ESR1: variants seen among roughly 807,000 people sequenced by gnomAD.
The protein encoded by ESR1 is estrogen receptor 1, also known as estrogen receptor.
In ESR1, 12 loss-of-function variants were observed where a neutral mutation model predicts 52.7. That is an observed-to-expected ratio of 0.23 (90% CI 0.15 to 0.37). The LOEUF (loss-of-function observed/expected upper bound fraction) is 0.37, where lower values mean the gene tolerates loss of function less well. Ranked by LOEUF, ESR1 falls within the 10% of genes least tolerant of loss-of-function variation. The pLI, the probability that ESR1 is intolerant of heterozygous loss-of-function variation, is 1.00. For missense variants in ESR1, 584 were observed against 779.7 expected, an observed-to-expected ratio of 0.75 and a Z score of 2.99; for synonymous variants, 305 against 316.8, an observed-to-expected ratio of 0.96 and a Z score of 0.39.
chr6:151,808,278 G>T lies in ESR1; in HGVS notation c.366G>T (p.Gln122His), dbSNP rs939987866. ...CGCCGCAGCTGTCGCCTTTCCTGCA[G>T]CCCCACGGCCAGCAGGTGCCCTACT... Reference protein sequence around the residue: ...HPPPQLSPFLQPHGQQVPYYL... With the variant: ...HPPPQLSPFLHPHGQQVPYYL... The change falls in exon 1 of 8, where the codon CAG (glutamine) becomes CAT (histidine). Residue 122 changes from glutamine (Q) to histidine (H), a missense_variant. Around this residue, in one of 6 missense-constraint regions of ESR1, gnomAD observed 251 missense variants for 246.1 expected, o/e 1.02. Coordinates refer to ENST00000206249, the MANE Select transcript of ESR1 (RefSeq NM_000125.4). 1.3e-6 allele frequency: 2 copies of T among 1,586,078 alleles called. No homozygotes were observed. Among genetic ancestry groups the T allele is most frequent in the Non-Finnish European group, 1.7e-6 (2 of 1,167,696 alleles).
chr6:152,093,305 CT>C (rs1162211351), intron 6 of ESR1, among the ~76,000 whole-genome samples: 1 of 150,606 alleles, frequency 6.6e-6, no homozygotes, highest in African/African-American at 2.4e-5. Flanking sequence ...AAACTAAGAC[CT>C]TGTGACTACT....
At chr6:151,994,021 T>C (rs146671767) in intron 4 of ESR1, among the ~76,000 whole-genome samples, 6 of 152,328 alleles carry the variant, frequency 3.9e-5, no homozygotes, top group Non-Finnish European at 7.3e-5. Flanking sequence ...TTATATGTAC[T>C]AACTTGCTTA....
At chr6:151,898,070 T>G (rs138834737) in intron 3 of ESR1, among the ~76,000 whole-genome samples, 1 of 152,330 alleles carries the variant, frequency 6.6e-6, no homozygotes, top group African/African-American at 2.4e-5. Flanking sequence ...ATCTGTTAAC[T>G]TGATGGGTTT....
intron 1 of ESR1, among the ~76,000 whole-genome samples, chr6:151,681,193 C>T (rs1778445865): frequency 6.6e-6 from 1 of 152,180 alleles, no homozygotes; most frequent in Admixed American, 6.5e-5. Context: ...TGGTCAAGCC[C>T]AGTCTTGTTT....
intron 5 of ESR1, among the ~76,000 whole-genome samples, chr6:152,047,986 T>C (rs3020367): frequency 0.42 from 54,331 of 129,982 alleles, 13,144 homozygotes; most frequent in African/African-American, 0.66. Flanking sequence ...TTTTTTTTGG[T>C]TTCCAAGACC....
At chr6:151,769,977 A>C (rs1785377196) in intron 2 of ESR1, among the ~76,000 whole-genome samples, 1 of 151,800 alleles carries the variant, frequency 6.6e-6, no homozygotes, top group African/African-American at 2.4e-5. Flanking sequence ...GCAGTGAGCC[A>C]AGATCGCACC....
At chr6:151,901,170 C>T (rs987501147) in intron 3 of ESR1, among the ~76,000 whole-genome samples, 1 of 152,084 alleles carries the variant, frequency 6.6e-6, no homozygotes, top group Admixed American at 6.6e-5. Flanking sequence ...GAGTTATGTT[C>T]CCAGAGGATT....
At chr6:151,736,784 C>A (rs1782714730) in intron 2 of ESR1, among the ~76,000 whole-genome samples, 1 of 152,060 alleles carries the variant, frequency 6.6e-6, no homozygotes, top group Admixed American at 6.6e-5. Context: ...GAAAGCGGTA[C>A]AGTGACTGGG....
At chr6:152,002,644 A>C (rs2042045743) in intron 4 of ESR1, among the ~76,000 whole-genome samples, 1 of 151,934 alleles carries the variant, frequency 6.6e-6, no homozygotes, top group Non-Finnish European at 1.5e-5. Flanking sequence ...TAGTTTATTA[A>C]TTTTTTCCCT....
intron 4 of ESR1, among the ~76,000 whole-genome samples, chr6:151,978,485 A>C (rs1247225707): frequency 1.3e-5 from 2 of 152,190 alleles, no homozygotes; most frequent in Non-Finnish European, 2.9e-5. Context: ...ATCTTCCAGA[A>C]GTATTGAAAG....
At chr6:151,723,478 T>C (rs1245382187) in intron 2 of ESR1, among the ~76,000 whole-genome samples, 1 of 152,228 alleles carries the variant, frequency 6.6e-6, no homozygotes, top group Non-Finnish European at 1.5e-5. Flanking sequence ...GGGAAACATT[T>C]ACCCCTCTTT....
At chr6:152,128,660 G>C (rs73625130) in exon 7 of ESR1, 1 of 152,186 alleles carries the variant, frequency 6.6e-6, no homozygotes, top group South Asian at 2.1e-4. Flanking sequence ...GGAAGAATGC[G>C]TATCTAAAAA....
At chr6:151,945,740 G>A (rs1379555766) in intron 4 of ESR1, among the ~76,000 whole-genome samples, 2 of 152,166 alleles carry the variant, frequency 1.3e-5, no homozygotes, top group East Asian at 3.9e-4. Context: ...AAAAAATGTG[G>A]AGTTTGTACT....
chr6:151,931,228 A>G (rs934769885), intron 3 of ESR1, among the ~76,000 whole-genome samples: 1 of 151,006 alleles, frequency 6.6e-6, no homozygotes, highest in Non-Finnish European at 1.5e-5. Flanking sequence ...GATTCTTTAC[A>G]TTTCAGTTGG....
At chr6:151,999,023 G>T (rs919545849) in intron 4 of ESR1, among the ~76,000 whole-genome samples, 1 of 152,018 alleles carries the variant, frequency 6.6e-6, no homozygotes, top group African/African-American at 2.4e-5. Flanking sequence ...TTGTATCAGC[G>T]TCAATGTCTG....
chr6:151,832,104 TA>T (rs1398178922), intron 1 of ESR1, among the ~76,000 whole-genome samples: 1 of 152,192 alleles, frequency 6.6e-6, no homozygotes, highest in Non-Finnish European at 1.5e-5. Flanking sequence ...TATCACTAAA[TA>T]GATAATATGA....
At chr6:151,890,855 C>T (rs548180369) in intron 3 of ESR1, among the ~76,000 whole-genome samples, 1 of 152,012 alleles carries the variant, frequency 6.6e-6, no homozygotes, top group South Asian at 2.1e-4. Flanking sequence ...TTGGTCCCTT[C>T]GCCTTCATTC....
At chr6:151,919,388 A>G (rs1412332201) in intron 3 of ESR1, among the ~76,000 whole-genome samples, 4 of 152,206 alleles carry the variant, frequency 2.6e-5, no homozygotes, top group African/African-American at 7.2e-5. Flanking sequence ...TGCCCAAGAT[A>G]AGCTAGAATT....
intron 6 of ESR1, among the ~76,000 whole-genome samples, chr6:152,063,587 C>G (rs1414118385): frequency 2.6e-5 from 4 of 152,190 alleles, no homozygotes; most frequent in Non-Finnish European, 5.9e-5. Flanking sequence ...AGCAATCAGT[C>G]ATATGAAGCA....
Sources: allele counts gnomAD v4.1 joint callset (sites outside exome capture counted in the v4.1 genomes callset), GRCh38; gene constraint gnomAD v4.1.1; regional missense constraint gnomAD v4.1.1; transcripts MANE v1.5; gene names NCBI Gene and HGNC (gene_info 2026-07-23, HGNC 2026-07-21).